Variants in SLC2A9 observed in about 807,000 individuals in gnomAD.
SLC2A9 encodes the protein solute carrier family 2, facilitated glucose transporter member 9.
Under a neutral mutation model 50.6 loss-of-function variants are expected in SLC2A9, and 39 were observed. The ratio of observed to expected loss-of-function variants is 0.77; its 90% CI spans 0.60 to 1.01. The LOEUF is 1.01. Ranked by LOEUF, SLC2A9 falls within the 50% of genes least tolerant of loss-of-function variation. SLC2A9 has a pLI of 0.00. For missense variants in SLC2A9, 686 were observed against 677.6 expected, an observed-to-expected ratio of 1.01 and a Z score of -0.14; for synonymous variants, 324 against 276.9, an observed-to-expected ratio of 1.17 and a Z score of -1.69.
At chr4:9,819,632 T>A (rs994225657) in intron 3 of SLC2A9, among the ~76,000 whole-genome samples, 1 of 152,238 alleles carries the variant, frequency 6.6e-6, no homozygotes, top group Non-Finnish European at 1.5e-5. Context: ...TGTCTTTTCA[T>A]TCTTTTAACA....
chr4:9,808,577 G>C (rs1309365834), intron 3 of SLC2A9, among the ~76,000 whole-genome samples: 5 of 152,142 alleles, frequency 3.3e-5, no homozygotes, highest in South Asian at 2.1e-4. Context: ...CAGCCTCTCG[G>C]GATAAATTAT....
intron 11 of SLC2A9, among the ~76,000 whole-genome samples, chr4:9,831,528 C>G (rs1726141590): frequency 6.6e-6 from 1 of 152,156 alleles, no homozygotes; most frequent in African/African-American, 2.4e-5. Context: ...GAAGGGCATC[C>G]CTTGGCCCTA....
At chr4:9,919,224 C>T (rs1030708673) in intron 7 of SLC2A9, among the ~76,000 whole-genome samples, 1 of 152,178 alleles carries the variant, frequency 6.6e-6, no homozygotes, top group Non-Finnish European at 1.5e-5. Flanking sequence ...GAAGAGACAA[C>T]AGGACTCTCC....
intron 3 of SLC2A9, among the ~76,000 whole-genome samples, chr4:9,813,299 C>T (rs1723119650): frequency 6.6e-6 from 1 of 152,338 alleles, no homozygotes; most frequent in Admixed American, 6.5e-5. Flanking sequence ...CTCATAGCCA[C>T]CACACTTGTC....
intron 4 of SLC2A9, 144 bp downstream of exon 4, chr4:9,985,525 T>C: frequency 9.1e-7 from 1 of 1,100,886 alleles, no homozygotes; most frequent in Non-Finnish European, 1.3e-6. Context: ...TCCCACTTTA[T>C]GCAGAGTTCC....
intron 2 of SLC2A9, among the ~76,000 whole-genome samples, chr4:10,012,296 C>G (rs1225990753): frequency 6.6e-6 from 1 of 152,080 alleles, no homozygotes; most frequent in Non-Finnish European, 1.5e-5. Flanking sequence ...GGAGGTGGTC[C>G]CAGAAGTTTT....
intron 3 of SLC2A9, among the ~76,000 whole-genome samples, chr4:9,807,887 C>T (rs1257847034): frequency 6.6e-6 from 1 of 152,218 alleles, no homozygotes; most frequent in Admixed American, 6.5e-5. Context: ...GCCTCCTTGT[C>T]CCAGCAAGTG....
intron 8 of SLC2A9, among the ~76,000 whole-genome samples, chr4:9,892,158 C>T (rs1458206302): frequency 1.3e-5 from 2 of 152,216 alleles, no homozygotes; most frequent in South Asian, 2.1e-4. Context: ...TGGGCAGAGC[C>T]GGCACTGAGG....
chr4:9,988,840 T>A (rs1484005606), intron 3 of SLC2A9, among the ~76,000 whole-genome samples: 1 of 152,216 alleles, frequency 6.6e-6, no homozygotes, highest in African/African-American at 2.4e-5. Flanking sequence ...GCTGGAGACA[T>A]TTCGCCTGGA....
At chr4:9,950,318 C>T (rs1749988600) in intron 5 of SLC2A9, among the ~76,000 whole-genome samples, 1 of 152,178 alleles carries the variant, frequency 6.6e-6, no homozygotes. Context: ...TCCAAGGCTA[C>T]AACACTCACC....
intron 3 of SLC2A9, among the ~76,000 whole-genome samples, chr4:9,790,632 C>G (rs1719790338): frequency 6.6e-6 from 1 of 152,156 alleles, no homozygotes; most frequent in Admixed American, 6.5e-5. Context: ...GTTCTAAGTA[C>G]TTGCCATTCT....
intron 5 of SLC2A9, among the ~76,000 whole-genome samples, chr4:9,960,341 C>T (rs1007696505): frequency 4.6e-5 from 7 of 152,196 alleles, no homozygotes; most frequent in African/African-American, 1.4e-4. Context: ...ACCCTCTATA[C>T]AAGTAAGTTA....
intron 10 of SLC2A9, among the ~76,000 whole-genome samples, chr4:9,874,736 T>C (rs545396149): frequency 6.8e-4 from 104 of 152,336 alleles, no homozygotes; most frequent in African/African-American, 1.3e-3. Context: ...TCGGCACCCA[T>C]GTTCTCACAG....
intron 3 of SLC2A9, among the ~76,000 whole-genome samples, chr4:9,818,434 C>T (rs575823980): frequency 1.3e-5 from 2 of 152,344 alleles, no homozygotes; most frequent in Admixed American, 6.5e-5. Context: ...GCTGTCAAGA[C>T]TATTGCAATA....
chr4:9,996,749 G>T (rs1212541722), intron 3 of SLC2A9, 32 bp downstream of exon 3: 1 of 1,610,516 alleles, frequency 6.2e-7, no homozygotes, highest in Admixed American at 1.7e-5. Context: ...AACATGGAGG[G>T]CACCCCCAGA....
chr4:9,824,422 A>C (rs1724840908), downstream of SLC2A9, among the ~76,000 whole-genome samples: 1 of 152,232 alleles, frequency 6.6e-6, no homozygotes, highest in Non-Finnish European at 1.5e-5. Context: ...ATAAAATAAC[A>C]TGTAAGAATA....
intron 7 of SLC2A9, among the ~76,000 whole-genome samples, chr4:9,909,137 G>T (rs1666999736): frequency 6.6e-6 from 1 of 152,204 alleles, no homozygotes; most frequent in South Asian, 2.1e-4. Flanking sequence ...GTTGGGTAAT[G>T]CACAACCTGT....
intron 5 of SLC2A9, among the ~76,000 whole-genome samples, chr4:9,975,420 C>T (rs558509289): frequency 4.3e-4 from 65 of 152,186 alleles, no homozygotes; most frequent in Admixed American, 1.3e-3. Context: ...AAACAAATAA[C>T]CCCATTAAAA....
intron 3 of SLC2A9, chr4:9,782,242 G>A (rs1247469991): frequency 6.2e-6 from 10 of 1,613,540 alleles, no homozygotes; most frequent in Non-Finnish European, 8.5e-6. Context: ...GCCGCCACCT[G>A]CGCGCCAACA....
Sources: gnomAD v4.1 joint callset for allele counts (sites outside exome capture counted in the v4.1 genomes callset) on GRCh38, gnomAD v4.1.1 for gene constraint, MANE v1.5 for transcripts, NCBI Gene and HGNC (gene_info 2026-07-23, HGNC 2026-07-21) for gene names.